The following FBN2 variants were observed in gnomAD, a reference collection of about 807,000 sequenced individuals.
FBN2 encodes fibrillin 2, also known as fibrillin-2.
FBN2 carries 105 observed loss-of-function variants against 355.6 expected under a neutral mutation model. That is an observed-to-expected ratio of 0.30 (90% confidence interval 0.25 to 0.35). The LOEUF is 0.35. FBN2 is among the 10% of genes least tolerant of loss of function. The probability of loss-of-function intolerance (pLI) is 1.00; values close to 1 mark genes in which losing one functional copy is unlikely to be tolerated. For missense variants in FBN2, 3,280 were observed against 3,758.7 expected (o/e 0.87, Z 3.33); for synonymous variants, 1,350 against 1,301.2 (o/e 1.04, Z -0.81).
rs920789232 is a variant in FBN2, at chr5:128,288,294, C to T, written c.6757+144G>A. On this transcript the variant is annotated intron_variant, in intron 53 of 64. Transcript: ENST00000262464. ...TACTAAAGGAAAACTAAAAACCAAC[C>T]AACCAAACAAAAAACCCAAAAAACA... 14 of 850,930 alleles carry T rather than the reference C, an allele frequency of 1.6e-5. No individual in the cohort carries two copies. The African/African-American group carries it at 1.9e-4, about 12-fold the overall frequency. The allele number at this position is 850,930 out of a possible 1,614,324, so 52.7% of individuals were successfully genotyped here.
intron 16 of FBN2, 37 bp downstream of exon 16, chr5:128,369,145 A>G: frequency 6.2e-7 from 1 of 1,608,920 alleles, no homozygotes; most frequent in Non-Finnish European, 8.5e-7. Flanking sequence ...GTATTTCTTG[A>G]TTCTTTATCA....
chr5:128,379,152 T>C (rs1752162734), intron 11 of FBN2, among the ~76,000 whole-genome samples: 1 of 152,156 alleles, frequency 6.6e-6, no homozygotes, highest in South Asian at 2.1e-4. Flanking sequence ...GTTGGAATAA[T>C]GGCCAATGAT....
rs546129957 is a variant in FBN2, at chr5:128,261,791, T to C, written c.8309A>G (p.Tyr2770Cys). 6.2e-7 allele frequency: 1 copy of C among 1,614,222 alleles called. No individual in the cohort carries two copies. Among genetic ancestry groups the C allele is most frequent in the South Asian group, 1.1e-5 (1 of 91,082 alleles). ...CTTCTGCCTGCTGTCTTTCTTAGAATAGCCGTTGATTTTGCACTCGTAGCA... is the reference window on the plus strand; with the variant it reads ...CTTCTGCCTGCTGTCTTTCTTAGAACAGCCGTTGATTTTGCACTCGTAGCA... ...EACYECKINGYSKKDSRQKRS... is the reference protein window; with the variant it reads ...EACYECKINGCSKKDSRQKRS... Residue 2770 changes from tyrosine (Y) to cysteine (C), a missense_variant, in exon 64 of 65, where the codon TAT becomes TGT. By Grantham distance (194) the Tyr-to-Cys change is radical. This residue lies in a region of FBN2 where 311 missense variants were observed against 319.1 expected (regional missense o/e 0.97). Transcript: ENST00000262464.
At chr5:128,289,545 A>G (rs912556248) in intron 51 of FBN2, among the ~76,000 whole-genome samples, 1 of 152,098 alleles carries the variant, frequency 6.6e-6, no homozygotes, top group Non-Finnish European at 1.5e-5. Flanking sequence ...GCTGGATCGC[A>G]CCACTGCATT....
At chr5:128,387,499 T>C (rs958461755) in intron 11 of FBN2, among the ~76,000 whole-genome samples, 1 of 152,174 alleles carries the variant, frequency 6.6e-6, no homozygotes, top group African/African-American at 2.4e-5. Flanking sequence ...TCTTTTCTTC[T>C]GTTAGCTTTG....
At position 128,326,518 on chromosome 5, in the gene FBN2, T is replaced by C. The variant is rs572533378; in HGVS notation, c.4471+2178A>G. On this transcript the variant is annotated intron_variant, in intron 34 of 64. Coordinates refer to ENST00000262464, the MANE Select transcript of FBN2 (RefSeq NM_001999.4). ...AACTTCAATAATTTTTTGAATTCTA[T>C]AGAAATTCTGAGACTTTGGTGAGAA... Among the ~76,000 whole-genome samples, 18 of 152,338 alleles carry C rather than the reference T, an allele frequency of 1.2e-4. No individual in the cohort carries two copies. The South Asian group carries it at 3.5e-3, about 30-fold the overall frequency.
At chr5:128,536,372 C>A in intron 2 of FBN2, 30 bp downstream of exon 2, 1 of 1,587,046 alleles carries the variant, frequency 6.3e-7, no homozygotes, top group Non-Finnish European at 8.7e-7. Flanking sequence ...AGTGCGCTGC[C>A]CCAAGCTGCG....
intron 7 of FBN2, among the ~76,000 whole-genome samples, chr5:128,435,252 T>C (rs1753743925): frequency 6.6e-6 from 1 of 152,178 alleles, no homozygotes; most frequent in Non-Finnish European, 1.5e-5. Context: ...GATACCCTAG[T>C]TCCACATTTT....
intron 42 of FBN2, 68 bp from the exon 43 acceptor site, chr5:128,306,016 T>G: frequency 7.1e-7 from 1 of 1,416,252 alleles, no homozygotes; most frequent in Non-Finnish European, 1.0e-6. Context: ...TAACTTTGAA[T>G]AATGCTACAT....
intron 8 of FBN2, among the ~76,000 whole-genome samples, chr5:128,401,837 C>T (rs911328914): frequency 7.2e-5 from 11 of 152,150 alleles, no homozygotes; most frequent in African/African-American, 2.7e-4. Context: ...AACCTCTGGT[C>T]AGTCCTGTAA....
chr5:128,331,349 T>C lies in FBN2; in HGVS notation c.4223-654A>G, dbSNP rs1007894008. Among the ~76,000 whole-genome samples the C allele has an allele frequency of 2.0e-5, 3 of 152,214 alleles. No homozygotes were observed. The East Asian group carries it at 5.8e-4, about 30-fold the overall frequency. On this transcript the variant is annotated intron_variant, in intron 32 of 64. Transcript: ENST00000262464. The stretch of plus-strand genomic sequence containing the variant: ...TGCTGAACAGAGGTGGGGAAGGATA[T>C]TCCTTGCAGAGGGACGAGTGCATGG...
Position 128,398,358 on chromosome 5 carries a change from T to C in FBN2, c.1079-3084A>G, listed in dbSNP as rs146600408. Among the ~76,000 whole-genome samples, 8 of 150,474 alleles carry C rather than the reference T, an allele frequency of 5.3e-5. No individual in the cohort carries two copies. The East Asian group carries it at 1.6e-3, about 29-fold the overall frequency. On this transcript the variant is annotated intron_variant, in intron 8 of 64. Transcript: ENST00000262464. ...CAGATCAATTCTGACAATTATTATT[T>C]TAAATTATTAATAATTAAATATTAA...
At chr5:128,454,702 T>C (rs1461184130) in intron 6 of FBN2, among the ~76,000 whole-genome samples, 1 of 152,208 alleles carries the variant, frequency 6.6e-6, no homozygotes, top group Non-Finnish European at 1.5e-5. Flanking sequence ...ACTAACGCCA[T>C]ATGAAAAGAA....
chr5:128,502,163 GA>G (rs905429018), intron 5 of FBN2, among the ~76,000 whole-genome samples: 4 of 151,260 alleles, frequency 2.6e-5, no homozygotes, highest in African/African-American at 9.7e-5. Context: ...CCTATCTACA[GA>G]AATATGGAAG....
chr5:128,301,273 T>C (rs1199304858), intron 47 of FBN2, 109 bp downstream of exon 47: 3 of 1,050,870 alleles, frequency 2.9e-6, no homozygotes, highest in Non-Finnish European at 4.3e-6. Flanking sequence ...TCATGTGCTC[T>C]GATGATTAAA....
At chr5:128,369,378 CAA>C (rs770734392) in intron 15 of FBN2, 44 bp from the exon 16 acceptor site, 18 of 1,607,682 alleles carry the variant, frequency 1.1e-5, no homozygotes, top group African/African-American at 4.0e-5. Context: ...GTGATAGAGA[CAA>C]AGAGATTTCG....
intron 7 of FBN2, among the ~76,000 whole-genome samples, chr5:128,420,028 A>G (rs865946728): frequency 3.9e-5 from 6 of 152,042 alleles, no homozygotes; most frequent in Non-Finnish European, 7.4e-5. Context: ...GGTTAATTTG[A>G]TAATTGACAA....
chr5:128,406,848 G>A (rs1034184425), intron 8 of FBN2, among the ~76,000 whole-genome samples: 1 of 152,144 alleles, frequency 6.6e-6, no homozygotes, highest in Non-Finnish European at 1.5e-5. Flanking sequence ...TGGATAAGGG[G>A]GAATTAGAGT....
intron 7 of FBN2, among the ~76,000 whole-genome samples, chr5:128,410,245 A>G (rs1172532153): frequency 1.3e-5 from 2 of 152,162 alleles, no homozygotes; most frequent in African/African-American, 4.8e-5. Context: ...AAATAAAACC[A>G]CGTGTGCAAA....
Sources: gnomAD v4.1 joint callset for allele counts (sites outside exome capture counted in the v4.1 genomes callset) on GRCh38, gnomAD v4.1.1 for gene constraint, gnomAD v4.1.1 regional missense constraint, MANE v1.5 for transcripts, NCBI Gene and HGNC (gene_info 2026-07-23, HGNC 2026-07-21) for gene names.